SPSB1: variants seen among roughly 807,000 people sequenced by gnomAD.
The protein encoded by SPSB1 is splA/ryanodine receptor domain and SOCS box containing 1.
A neutral mutation model predicts 21.2 loss-of-function variants in SPSB1; 8 were observed. The ratio of observed to expected loss-of-function variants is 0.38; its 90% CI spans 0.22 to 0.68. SPSB1 has a LOEUF of 0.68. Ranked by LOEUF, SPSB1 falls within the 30% of genes least tolerant of loss-of-function variation. The pLI is 0.53. For missense variants in SPSB1, 242 were observed against 377.8 expected, an observed-to-expected ratio of 0.64 and a Z score of 2.98; for synonymous variants, 169 against 161.7, an observed-to-expected ratio of 1.05 and a Z score of -0.34.
At chr1:9,333,118 G>A (rs564876303) in intron 1 of SPSB1, among the ~76,000 whole-genome samples, 1 of 152,228 alleles carries the variant, frequency 6.6e-6, no homozygotes, top group South Asian at 2.1e-4. Context: ...TGGGAAAATG[G>A]CCAGAAACAT....
At chr1:9,298,457 A>G (rs1639264253) in intron 1 of SPSB1, among the ~76,000 whole-genome samples, 2 of 142,114 alleles carry the variant, frequency 1.4e-5, no homozygotes, top group Admixed American at 1.4e-4. Context: ...TGAATAAGTG[A>G]ATGAATGAAT....
intron 1 of SPSB1, among the ~76,000 whole-genome samples, chr1:9,306,648 G>T (rs924695036): frequency 4.6e-5 from 7 of 152,210 alleles, no homozygotes; most frequent in Admixed American, 1.3e-4. Context: ...CAGCAGCCAG[G>T]CTCTCAGTCT....
At position 9,328,813 on chromosome 1, in the gene SPSB1, G is replaced by A. The variant is rs576536517; in HGVS notation, c.-149-26930G>A. Among the ~76,000 whole-genome samples, 5 of 152,352 alleles carry A rather than the reference G, an allele frequency of 3.3e-5. No individual in the cohort carries two copies. In the East Asian group the frequency reaches 7.7e-4, roughly 24 times the overall value. ...AACATGGCACTGTTGACATAGGGCA[G>A]GGGAATTGTTGATGTGAGGCTTGTG... On this transcript the variant is annotated intron_variant, in intron 1 of 2. Coordinates refer to ENST00000328089, the MANE Select transcript of SPSB1 (RefSeq NM_025106.4).
chr1:9,309,261 G>GGGGAGAGAGAGAGA (rs1491287377), intron 1 of SPSB1, among the ~76,000 whole-genome samples: 1 of 147,164 alleles, frequency 6.8e-6, no homozygotes, highest in African/African-American at 2.6e-5. Flanking sequence ...GCTCCCCTGC[G>GGGGAGAGAGAGAGA]GAGAGAGAGA....
intron 1 of SPSB1, among the ~76,000 whole-genome samples, chr1:9,300,016 C>T (rs564142652): frequency 6.7e-6 from 1 of 149,790 alleles, no homozygotes; most frequent in Non-Finnish European, 1.5e-5. Context: ...TTGATGTCAT[C>T]ATGCTTCATT....
Position 9,367,314 on chromosome 1 carries a change from A to G in SPSB1, c.695-134A>G. 6.6e-7 allele frequency: 1 copy of G among 1,517,272 alleles called. No individual in the cohort carries two copies. The highest frequency in any genetic ancestry group is 1.7e-5 in the Admixed American group (1 of 57,576). The allele number at this position is 1,517,272 out of a possible 1,614,324, so 94.0% of individuals were successfully genotyped here. A position where few individuals can be genotyped will look rare whatever the true frequency, so the allele number is the denominator to read the frequency against. ...TCACATGCTAAATTTAAAATGAAAA[A>G]GCATTGCATTTTTCATTGTTTCTTT... On this transcript the variant is annotated intron_variant, in intron 2 of 2. Coordinates refer to ENST00000328089, the MANE Select transcript of SPSB1 (RefSeq NM_025106.4). This position sits in a 1 kb window ranked among gnomAD's most constrained non-coding sequence, Gnocchi z 5.9.
At chr1:9,344,685 C>T (rs1444568048) in intron 1 of SPSB1, among the ~76,000 whole-genome samples, 1 of 151,842 alleles carries the variant, frequency 6.6e-6, no homozygotes, top group African/African-American at 2.4e-5. Flanking sequence ...ATTCTTATTC[C>T]CCCAGGTGGT....
At position 9,355,764 on chromosome 1, in the gene SPSB1, C is replaced by T. The variant is rs928736110; in HGVS notation, c.-128C>T. 2.0e-6 allele frequency: 3 copies of T among 1,481,618 alleles called. No individual in the cohort carries two copies. In the African/African-American group the frequency reaches 4.2e-5, roughly 21 times the overall value. The allele number at this position is 1,481,618 out of a possible 1,614,324, so 91.8% of individuals were successfully genotyped here. A position where few individuals can be genotyped will look rare whatever the true frequency, so the allele number is the denominator to read the frequency against. On this transcript the variant is annotated 5_prime_UTR_variant, in exon 2 of 3. Coordinates refer to ENST00000328089, the MANE Select transcript of SPSB1 (RefSeq NM_025106.4). ...TTAGGCAATACTGAACACTGCGCAG[C>T]TTGCAGAGGTCTCCTGGCAGCCCTC... is the stretch of plus-strand genomic sequence containing the variant.
Position 9,348,903 on chromosome 1 carries a change from G to A in SPSB1, c.-149-6840G>A, listed in dbSNP as rs1640205802. Among the ~76,000 whole-genome samples the A allele has an allele frequency of 1.3e-5, 2 of 151,866 alleles. No homozygotes were observed. Among genetic ancestry groups the A allele is most frequent in the African/African-American group, 4.8e-5 (2 of 41,292 alleles). On this transcript the variant is annotated intron_variant, in intron 1 of 2. Coordinates refer to ENST00000328089, the MANE Select transcript of SPSB1 (RefSeq NM_025106.4). This position sits in a 1 kb window ranked among gnomAD's most constrained non-coding sequence, Gnocchi z 4.8. ...GGGTTGAGGGCTTTTGCCGTCAAAG[G>A]ATGTAAGGGACATCCCCTTTCACTC...
intron 2 of SPSB1, among the ~76,000 whole-genome samples, chr1:9,360,162 A>T (rs913948650): frequency 2.6e-5 from 4 of 151,890 alleles, no homozygotes; most frequent in African/African-American, 9.7e-5. Context: ...GGGGCTAGAG[A>T]GCGAGGAGAA....
At chr1:9,343,097 A>G (rs1212294922) in intron 1 of SPSB1, among the ~76,000 whole-genome samples, 2 of 152,208 alleles carry the variant, frequency 1.3e-5, no homozygotes, top group African/African-American at 2.4e-5. Flanking sequence ...TGAAATTCAC[A>G]TAACATTCAC....
At chr1:9,294,119 TGA>T (rs1172595027) in intron 1 of SPSB1, among the ~76,000 whole-genome samples, 4 of 151,964 alleles carry the variant, frequency 2.6e-5, no homozygotes, top group Non-Finnish European at 5.9e-5. Flanking sequence ...TGTCTGTGTG[TGA>T]GTGTGTATGT....
At chr1:9,296,530 C>T (rs1639228802) in intron 1 of SPSB1, among the ~76,000 whole-genome samples, 1 of 152,242 alleles carries the variant, frequency 6.6e-6, no homozygotes. Context: ...CGCATGCACA[C>T]ACATACACAT....
intron 1 of SPSB1, among the ~76,000 whole-genome samples, chr1:9,313,884 C>A (rs986920161): frequency 6.6e-6 from 1 of 152,080 alleles, no homozygotes; most frequent in Non-Finnish European, 1.5e-5. Context: ...TAGGAGTGAA[C>A]AAGACAACTG....
In SPSB1 at chr1:9,367,865, A is replaced by G; in HGVS notation, c.*290A>G. On this transcript the variant is annotated 3_prime_UTR_variant, in exon 3 of 3. Transcript: ENST00000328089. This position sits in a 1 kb window ranked among gnomAD's most constrained non-coding sequence, Gnocchi z 5.9. ...GAGAATAAACTCCTACGAAAGCCCT[A>G]CATTGAGCTCCAATCTGCTCGGGGT... 1 of 401,392 alleles carries G rather than the reference A, an allele frequency of 2.5e-6. No individual in the cohort carries two copies. Among genetic ancestry groups the G allele is most frequent in the Non-Finnish European group, 4.5e-6 (1 of 220,232 alleles). 24.9% of individuals were successfully genotyped at this position (401,392 alleles called of 1,614,324 possible).
intron 2 of SPSB1, among the ~76,000 whole-genome samples, chr1:9,357,247 G>A (rs59126337): frequency 0.021 from 3,128 of 146,954 alleles, 115 homozygotes; most frequent in African/African-American, 0.073. Flanking sequence ...ATGGATAAAT[G>A]AACAGGTGGA....
chr1:9,298,329 C>T lies in SPSB1; in HGVS notation c.-150+5258C>T, dbSNP rs2142577. ...AAAACAGAAAATCACAGCCCTCAAT[C>T]AACTTCCCAGACTTAACCCAGTTTA... On this transcript the variant is annotated intron_variant, in intron 1 of 2. Transcript: ENST00000328089. Among the ~76,000 whole-genome samples the T allele has an allele frequency of 7.3e-3, 1,114 of 152,276 alleles. 11 individuals carry two copies. The highest frequency in any genetic ancestry group is 0.025 in the African/African-American group (1,052 of 41,536).
At chr1:9,316,397 T>C (rs1639614671) in intron 1 of SPSB1, among the ~76,000 whole-genome samples, 1 of 152,266 alleles carries the variant, frequency 6.6e-6, no homozygotes, top group East Asian at 1.9e-4. Flanking sequence ...CGTGTATTTA[T>C]GTGTGTGCAT....
chr1:9,335,896 TC>T (rs1167332704), intron 1 of SPSB1, among the ~76,000 whole-genome samples: 18 of 68,464 alleles, frequency 2.6e-4, no homozygotes, highest in Non-Finnish European at 2.2e-4. Flanking sequence ...CCTCCGAATG[TC>T]AATGTGCACA....
Sources: allele counts gnomAD v4.1 joint callset (sites outside exome capture counted in the v4.1 genomes callset), GRCh38; gene constraint gnomAD v4.1.1; non-coding constraint Gnocchi (gnomAD v3.1); transcripts MANE v1.5; gene names NCBI Gene and HGNC (gene_info 2026-07-23, HGNC 2026-07-21).